RNLS: variants seen among roughly 807,000 people sequenced by gnomAD.
RNLS encodes renalase.
Under a neutral mutation model 39.8 loss-of-function variants are expected in RNLS, and 39 were observed. The ratio of observed to expected loss-of-function variants is 0.98; its 90% CI spans 0.76 to 1.28. The LOEUF is 1.28. Among genes scored for constraint, RNLS ranks in the 50% most tolerant of loss-of-function variants. RNLS has a pLI of 0.00. For missense variants in RNLS, 410 were observed against 413.3 expected, an observed-to-expected ratio of 0.99 and a Z score of 0.07; for synonymous variants, 147 against 150.7, an observed-to-expected ratio of 0.98 and a Z score of 0.18.
chr10:88,274,731 A>C (rs10749568), exon 7 of RNLS: 1 of 407,524 alleles, frequency 2.5e-6, no homozygotes, highest in African/African-American at 2.0e-5. Context: ...CAGATCATAC[A>C]GCAATTCTAT....
intron 4 of RNLS, among the ~76,000 whole-genome samples, chr10:88,443,898 GGGCATAGCCGAACAAAA>G (rs1841878231): frequency 6.6e-6 from 1 of 152,254 alleles, no homozygotes; most frequent in Non-Finnish European, 1.5e-5. Flanking sequence ...TCTCGGGGCA[GGGCATAGCCGAACAAAA>G]GGCAGCAGAA....
the RNLS span, among the ~76,000 whole-genome samples, chr10:88,218,565 G>C: frequency 1.3e-5 from 2 of 152,122 alleles, no homozygotes; most frequent in Admixed American, 1.3e-4. Flanking sequence ...CTGGGCCCTG[G>C]AATATTTGAA....
At chr10:88,559,141 T>C (rs778181973) in intron 4 of RNLS, among the ~76,000 whole-genome samples, 4 of 152,162 alleles carry the variant, frequency 2.6e-5, no homozygotes, top group African/African-American at 4.8e-5. Context: ...CTAGAAGTTA[T>C]AGAAAGGAAG....
At chr10:88,531,233 C>T (rs1213303582) in intron 4 of RNLS, among the ~76,000 whole-genome samples, 1 of 148,378 alleles carries the variant, frequency 6.7e-6, no homozygotes, top group Non-Finnish European at 1.5e-5. Flanking sequence ...CTTGCTTTAT[C>T]AATATTCCTA....
the RNLS span, among the ~76,000 whole-genome samples, chr10:88,188,143 G>C: frequency 6.6e-6 from 1 of 152,108 alleles, no homozygotes; most frequent in South Asian, 2.1e-4. Context: ...TGCAACCTCT[G>C]CCTCCTGGGT....
intron 4 of RNLS, among the ~76,000 whole-genome samples, chr10:88,460,812 C>T (rs1589832322): frequency 2.0e-5 from 3 of 152,142 alleles, no homozygotes; most frequent in African/African-American, 7.2e-5. Flanking sequence ...ATCTCAGTCA[C>T]CAGTGATCCT....
the RNLS span, among the ~76,000 whole-genome samples, chr10:88,265,323 CTTTTT>C: frequency 7.3e-4 from 43 of 59,070 alleles, no homozygotes; most frequent in African/African-American, 2.4e-3. Context: ...CAGGGTTTTT[CTTTTT>C]TTTTTTTTTT....
chr10:88,205,071 C>T, the RNLS span, among the ~76,000 whole-genome samples: 3 of 152,116 alleles, frequency 2.0e-5, no homozygotes, highest in Non-Finnish European at 4.4e-5. Context: ...AACTCTCTGA[C>T]CTGTGTGTCA....
At chr10:88,439,945 G>C (rs1841619304) in intron 4 of RNLS, among the ~76,000 whole-genome samples, 1 of 152,106 alleles carries the variant, frequency 6.6e-6, no homozygotes, top group South Asian at 2.1e-4. Context: ...AAGTAATCAA[G>C]GCTGTTCTCA....
rs1022676514 is a variant in RNLS at position 88,506,351 on chromosome 10, G to A, written c.526+66552C>T. 1.1e-3 allele frequency among the ~76,000 whole-genome samples: 167 copies of A among 151,978 alleles called. 1 individual carries two copies. The highest frequency in any genetic ancestry group is 3.9e-3 in the African/African-American group (161 of 41,510). On this transcript the variant is annotated intron_variant, in intron 4 of 6. Transcript: ENST00000331772. ...AAGGCAACTGAGAAAACTGAAATAC[G>A]GACTTTATATTAGATCACAGTGTGC... is the stretch of plus-strand genomic sequence containing the variant.
intron 4 of RNLS, among the ~76,000 whole-genome samples, chr10:88,405,661 T>C (rs1033520451): frequency 1.1e-4 from 16 of 152,190 alleles, no homozygotes; most frequent in Admixed American, 2.0e-4. Flanking sequence ...TGCAGTTCTG[T>C]ATCTTTTAAG....
chr10:88,479,129 TTTC>T (rs1205410480), intron 4 of RNLS, among the ~76,000 whole-genome samples: 1 of 152,220 alleles, frequency 6.6e-6, no homozygotes, highest in Non-Finnish European at 1.5e-5. Context: ...TTCAGTCTTG[TTTC>T]TTCTTTGTAT....
chr10:88,455,400 A>C (rs1842572382), intron 4 of RNLS, among the ~76,000 whole-genome samples: 1 of 152,066 alleles, frequency 6.6e-6, no homozygotes, highest in South Asian at 2.1e-4. Flanking sequence ...ACATGGCCTT[A>C]TAATTAATTT....
chr10:88,298,170 G>GT (rs886366150), intron 6 of RNLS, among the ~76,000 whole-genome samples: 7 of 151,630 alleles, frequency 4.6e-5, no homozygotes, highest in Admixed American at 3.9e-4. Context: ...AATTGGGTTG[G>GT]TTTTTTTATT....
chr10:88,314,362 G>A, intron 6 of RNLS, 104 bp downstream of exon 6: 1 of 1,201,230 alleles, frequency 8.3e-7, no homozygotes, highest in Non-Finnish European at 1.2e-6. Context: ...GGATCACATA[G>A]TTAATTTATT....
At chr10:88,232,884 A>C in the RNLS span, among the ~76,000 whole-genome samples, 1 of 152,250 alleles carries the variant, frequency 6.6e-6, no homozygotes, top group Non-Finnish European at 1.5e-5. Context: ...AGACAATAGT[A>C]GTAATAATGG....
the RNLS span, chr10:88,259,069 C>T: frequency 3.3e-4 from 50 of 152,326 alleles, no homozygotes; most frequent in African/African-American, 1.0e-3. Context: ...TGCTATCACA[C>T]ACTGGTTACT....
At chr10:88,513,277 A>G (rs966831826) in intron 4 of RNLS, among the ~76,000 whole-genome samples, 1 of 152,132 alleles carries the variant, frequency 6.6e-6, no homozygotes, top group African/African-American at 2.4e-5. Context: ...CTATCTGGAC[A>G]CAAACATCTG....
intron 4 of RNLS, among the ~76,000 whole-genome samples, chr10:88,370,013 C>G (rs1362667501): frequency 6.6e-6 from 1 of 152,076 alleles, no homozygotes; most frequent in Non-Finnish European, 1.5e-5. Context: ...AAAACTCTTT[C>G]ACATATACCA....
Sources: allele counts gnomAD v4.1 joint callset (sites outside exome capture counted in the v4.1 genomes callset), GRCh38; gene constraint gnomAD v4.1.1; transcripts MANE v1.5; gene names NCBI Gene and HGNC (gene_info 2026-07-23, HGNC 2026-07-21).